Variants in USP24 observed in about 807,000 individuals in gnomAD.
The protein encoded by USP24 is ubiquitin specific peptidase 24.
A neutral mutation model predicts 361.6 loss-of-function variants in USP24; 97 were observed. That is an observed-to-expected ratio of 0.27 (90% confidence interval 0.23 to 0.32). The LOEUF (loss-of-function observed/expected upper bound fraction) is 0.32, where lower values mean the gene tolerates loss of function less well. Ranked by LOEUF, USP24 falls within the 10% of genes least tolerant of loss-of-function variation. The probability of loss-of-function intolerance (pLI) is 1.00; values close to 1 mark genes in which losing one functional copy is unlikely to be tolerated. For missense variants in USP24, 2,353 were observed against 3,165.6 expected (o/e 0.74, Z 6.16); for synonymous variants, 1,098 against 1,124.6 (o/e 0.98, Z 0.47).
In USP24 at chr1:55,120,703, T is replaced by A. The variant is rs1287040264; in HGVS notation, c.4401A>T (p.Ser1467=). Residue 1467 remains serine, a synonymous_variant, in exon 38 of 68, where the codon TCA becomes TCT. Transcript: ENST00000294383. ...QLYTLSQTDT[S]AHPDVQKPNQ... is the part of the protein sequence containing the mutation. Reference sequence around the variant, plus strand: ...TTGGCTTCTGCACATCTGGATGCGCTGATGTGTCTGTCTGACTAAGAGTGT... The same window carrying A: ...TTGGCTTCTGCACATCTGGATGCGCAGATGTGTCTGTCTGACTAAGAGTGT... 6.3e-7 allele frequency: 1 copy of A among 1,575,112 alleles called. No homozygotes were observed. Among genetic ancestry groups the A allele is most frequent in the Admixed American group, 1.8e-5 (1 of 54,484 alleles).
chr1:55,068,901 T>G lies in USP24; in HGVS notation c.*144A>C. 8 of 827,312 alleles carry G rather than the reference T, an allele frequency of 9.7e-6. No individual in the cohort carries two copies. Among genetic ancestry groups the G allele is most frequent in the Non-Finnish European group, 1.5e-5 (8 of 532,878 alleles). The allele number at this position is 827,312 out of a possible 1,614,324, so 51.2% of individuals were successfully genotyped here. ...TCTAGTGGCTTAAAAATGCTTTCCT[T>G]GAGAAATACACGATCCGCCCAAGTC... On this transcript the variant is annotated 3_prime_UTR_variant, in exon 68 of 68. Transcript: ENST00000294383.
chr1:55,141,528 A>G, intron 24 of USP24, 88 bp downstream of exon 24: 1 of 1,177,006 alleles, frequency 8.5e-7, no homozygotes, highest in Non-Finnish European at 1.2e-6. Context: ...TGAGGAAATC[A>G]ATAACTGAGA....
In USP24 at chr1:55,071,859, C is replaced by A; in HGVS notation, c.7755G>T (p.Ser2585=). Residue 2585 remains serine, a synonymous_variant, in exon 67 of 68, where the codon TCG becomes TCT. Coordinates refer to ENST00000294383, the MANE Select transcript of USP24 (RefSeq NM_015306.3). The part of the protein sequence containing the change: ...EKEQSGSSNG[S]ESSPANENGD... The stretch of plus-strand genomic sequence containing the variant: ...CGTTCTCATTGGCAGGACTACTCTC[C>A]GACCCATTACTGCTTCCTGATTGCT... 1 of 1,613,458 alleles carries A rather than the reference C, an allele frequency of 6.2e-7. No homozygotes were observed.
At chr1:55,195,796 GGGAAA>G (rs1644401982) in intron 1 of USP24, among the ~76,000 whole-genome samples, 1 of 152,118 alleles carries the variant, frequency 6.6e-6, no homozygotes, top group Admixed American at 6.5e-5. Context: ...TAGGGGGTAG[GGGAAA>G]GGAAAGGTTG....
At chr1:55,090,892 T>C (rs1018331612) in intron 54 of USP24, among the ~76,000 whole-genome samples, 1 of 152,100 alleles carries the variant, frequency 6.6e-6, no homozygotes, top group African/African-American at 2.4e-5. Context: ...CAAGAGTAGT[T>C]TGCTCAACAC....
At chr1:55,182,828 C>T (rs1644014972) in intron 1 of USP24, among the ~76,000 whole-genome samples, 1 of 152,150 alleles carries the variant, frequency 6.6e-6, no homozygotes, top group South Asian at 2.1e-4. Context: ...AATTCTCATG[C>T]CTCACCCTCC....
chr1:55,107,862 A>AAAAAAAAAC (rs1645831976), intron 39 of USP24, among the ~76,000 whole-genome samples: 1 of 149,340 alleles, frequency 6.7e-6, no homozygotes, highest in Non-Finnish European at 1.5e-5. Context: ...AAAAAAAAAA[A>AAAAAAAAAC]AAAACACACA....
intron 38 of USP24, among the ~76,000 whole-genome samples, chr1:55,113,603 C>A (rs1646018099): frequency 6.6e-6 from 1 of 152,178 alleles, no homozygotes; most frequent in Non-Finnish European, 1.5e-5. Context: ...GGGCCAATAT[C>A]CCTGATGACA....
At chr1:55,145,182 G>A (rs1646995393) in intron 20 of USP24, among the ~76,000 whole-genome samples, 1 of 152,048 alleles carries the variant, frequency 6.6e-6, no homozygotes, top group Admixed American at 6.5e-5. Flanking sequence ...ATGCAAACTC[G>A]TACCCACTGA....
At chr1:55,073,046 G>T in intron 64 of USP24, 185 bp from the exon 65 acceptor site, 1 of 594,870 alleles carries the variant, frequency 1.7e-6, no homozygotes, top group Non-Finnish European at 2.9e-6. Flanking sequence ...TCCCCCAGGG[G>T]CTGGGGGAAG....
At chr1:55,151,157 T>C (rs899431441) in intron 16 of USP24, among the ~76,000 whole-genome samples, 1 of 147,722 alleles carries the variant, frequency 6.8e-6, no homozygotes, top group African/African-American at 2.4e-5. Flanking sequence ...GAATGAAACT[T>C]CTCTATAACA....
rs775910496 is a variant in USP24 at position 55,071,856 on chromosome 1, C to A, written c.7758G>T (p.Glu2586Asp). 6.2e-7 allele frequency: 1 copy of A among 1,613,404 alleles called. No homozygotes were observed. The highest frequency in any genetic ancestry group is 1.3e-5 in the African/African-American group (1 of 74,936). Residue 2586 changes from glutamate to aspartate, a missense_variant, in exon 67 of 68, where the codon GAG becomes GAT. Around this residue, in one of 8 missense-constraint regions of USP24, gnomAD observed 53 missense variants for 57.7 expected, o/e 0.92. Transcript: ENST00000294383. ...CTCCGTTCTCATTGGCAGGACTACT[C>A]TCCGACCCATTACTGCTTCCTGATT... ...KEQSGSSNGSESSPANENGDR... is the reference protein window; with the variant it reads ...KEQSGSSNGSDSSPANENGDR...
chr1:55,088,048 A>T (rs80104522), intron 55 of USP24, among the ~76,000 whole-genome samples: 16,821 of 152,278 alleles, frequency 0.11, 1,130 homozygotes, highest in Non-Finnish European at 0.15. Flanking sequence ...AGATCAAGCA[A>T]GGCCTTGTGG....
chr1:55,111,938 T>C (rs1645967752), intron 38 of USP24, among the ~76,000 whole-genome samples: 1 of 152,110 alleles, frequency 6.6e-6, no homozygotes, highest in Non-Finnish European at 1.5e-5. Flanking sequence ...CAAGTGTTAA[T>C]ACACACAATT....
intron 38 of USP24, among the ~76,000 whole-genome samples, chr1:55,116,645 G>C (rs1215082478): frequency 6.7e-6 from 1 of 149,372 alleles, no homozygotes; most frequent in African/African-American, 2.5e-5. Flanking sequence ...AATCTATTTA[G>C]CAAAGAGATT....
chr1:55,161,156 G>A (rs530808956), intron 8 of USP24, among the ~76,000 whole-genome samples: 104 of 152,014 alleles, frequency 6.8e-4, no homozygotes, highest in Middle Eastern at 3.4e-3. Context: ...GGTGGATCAC[G>A]AGGTCAGGAG....
chr1:55,123,902 T>C (rs369288150), intron 35 of USP24, among the ~76,000 whole-genome samples: 3 of 152,338 alleles, frequency 2.0e-5, no homozygotes, highest in African/African-American at 7.2e-5. Context: ...TCGGAAATGT[T>C]TTCTACCTTG....
intron 51 of USP24, among the ~76,000 whole-genome samples, chr1:55,094,696 T>TAA (rs35026432): frequency 0.024 from 2,570 of 108,944 alleles, 134 homozygotes; most frequent in African/African-American, 0.082. Context: ...CTGCTAACAT[T>TAA]AAAAAAAAAA....
intron 1 of USP24, among the ~76,000 whole-genome samples, chr1:55,214,191 C>G (rs1164254352): frequency 6.6e-6 from 1 of 151,824 alleles, no homozygotes. Context: ...ATTTTAAATC[C>G]TACTCAATGC....
Sources: gnomAD v4.1 joint callset for allele counts (sites outside exome capture counted in the v4.1 genomes callset) on GRCh38, gnomAD v4.1.1 for gene constraint, gnomAD v4.1.1 regional missense constraint, MANE v1.5 for transcripts, NCBI Gene and HGNC (gene_info 2026-07-23, HGNC 2026-07-21) for gene names.